UBA6: variants seen among roughly 807,000 people sequenced by gnomAD.
UBA6 encodes ubiquitin-like modifier-activating enzyme 6.
Under a neutral mutation model 148.3 loss-of-function variants are expected in UBA6, and 87 were observed. That is an observed-to-expected ratio of 0.59 (90% CI 0.49 to 0.70). The LOEUF is 0.70. Among genes scored for constraint, UBA6 ranks in the 30% least tolerant of loss-of-function variants. The pLI is 0.00. For synonymous variants in UBA6, 376 were observed against 401.0 expected (o/e 0.94, Z 0.75); for missense variants, 1,186 against 1,241.2 (o/e 0.96, Z 0.67).
At position 67,682,212 on chromosome 4, in the gene UBA6, G is replaced by A. The variant is rs1730460049; in HGVS notation, c.136C>T (p.Arg46Ter). Reference protein sequence around the residue: ...SVEIDDALYSRQRYVLGDTAM... With the variant: ...SVEIDDALYS ...GTGTCTCCAAGAACGTACCTCTGTC[G>A]ACTACACGGAAAACACAATAAAAAA... The change falls in exon 3 of 33, where the codon CGA (arginine) becomes TGA (stop). Residue 46 changes from arginine (R) to a stop codon, truncating the protein, a stop_gained and splice_region_variant. Coordinates refer to ENST00000322244, the MANE Select transcript of UBA6 (RefSeq NM_018227.6). LOFTEE classifies it high-confidence loss of function. 1.9e-6 allele frequency: 3 copies of A among 1,611,276 alleles called. No homozygotes were observed. Among genetic ancestry groups the A allele is most frequent in the Non-Finnish European group, 2.5e-6 (3 of 1,178,354 alleles).
intron 17 of UBA6, 130 bp downstream of exon 17, chr4:67,644,568 A>C: frequency 1.7e-6 from 1 of 596,524 alleles, no homozygotes; most frequent in South Asian, 2.3e-5. Context: ...AGGGCATGAC[A>C]ATCTTCCAAT....
chr4:67,653,734 T>A (rs1248326208), intron 13 of UBA6, among the ~76,000 whole-genome samples: 3 of 151,994 alleles, frequency 2.0e-5, no homozygotes, highest in Admixed American at 2.0e-4. Context: ...ATAACAAACT[T>A]CTCCGAGCTA....
chr4:67,670,523 A>C lies in UBA6; in HGVS notation c.616T>G (p.Leu206Val), dbSNP rs144389295. 2.8e-5 allele frequency: 45 copies of C among 1,603,722 alleles called. No homozygotes were observed. In the African/African-American group the frequency reaches 5.3e-4, roughly 19 times the overall value. The change falls in exon 8 of 33, where the codon TTA becomes GTA. Residue 206 changes from leucine (L) to valine (V), a missense_variant. Physicochemically the swap from Leu to Val is conservative, Grantham distance 32. Coordinates refer to ENST00000322244, the MANE Select transcript of UBA6 (RefSeq NM_018227.6). ...TTTGGTTCTTCTCCTGTTGTATCTA[A>C]AACTTCAAATTCATCACCGAAATCA... ...FCDFGDEFEV[L>V]DTTGEEPKEI...
chr4:67,649,959 G>A (rs559498189), intron 13 of UBA6, among the ~76,000 whole-genome samples: 1 of 152,208 alleles, frequency 6.6e-6, no homozygotes, highest in East Asian at 1.9e-4. Flanking sequence ...CTTGTACACA[G>A]AGGAGAGGAC....
At chr4:67,667,867 C>A (rs555692842) in intron 9 of UBA6, among the ~76,000 whole-genome samples, 1 of 152,314 alleles carries the variant, frequency 6.6e-6, no homozygotes, top group East Asian at 1.9e-4. Context: ...CAGACCCCTT[C>A]AACTTCTTGC....
At chr4:67,650,752 A>G (rs1577809444) in intron 13 of UBA6, among the ~76,000 whole-genome samples, 1 of 152,162 alleles carries the variant, frequency 6.6e-6, no homozygotes, top group African/African-American at 2.4e-5. Context: ...CAGTCCTAAG[A>G]AAAAGAAAGA....
intron 2 of UBA6, among the ~76,000 whole-genome samples, chr4:67,685,996 GC>G (rs372868140): frequency 8.3e-4 from 126 of 152,258 alleles, no homozygotes; most frequent in African/African-American, 2.8e-3. Context: ...ACACTTAAAT[GC>G]TGTGAAGTTC....
At chr4:67,643,332 TTTTTTAA>T (rs1277027575) in intron 17 of UBA6, among the ~76,000 whole-genome samples, 1 of 152,056 alleles carries the variant, frequency 6.6e-6, no homozygotes, top group South Asian at 2.1e-4. Flanking sequence ...TGAATAGTCA[TTTTTTAA>T]TCTGAATTGT....
At chr4:67,664,585 G>C (rs1305005080) in intron 10 of UBA6, among the ~76,000 whole-genome samples, 1 of 152,086 alleles carries the variant, frequency 6.6e-6, no homozygotes, top group Non-Finnish European at 1.5e-5. Flanking sequence ...CTGAGAAGGA[G>C]CCCAAGGATT....
intron 9 of UBA6, 88 bp from the exon 10 acceptor site, chr4:67,665,380 C>A: frequency 1.3e-6 from 1 of 757,796 alleles, no homozygotes; most frequent in South Asian, 2.0e-5. Context: ...TTAATTATCC[C>A]TAATTTACAA....
At chr4:67,669,518 T>G (rs1730089364) in intron 8 of UBA6, among the ~76,000 whole-genome samples, 1 of 152,158 alleles carries the variant, frequency 6.6e-6, no homozygotes. Context: ...TCTTTTGGAC[T>G]TCAATGTAAG....
chr4:67,651,048 AC>A (rs1729543198), intron 13 of UBA6, among the ~76,000 whole-genome samples: 1 of 152,150 alleles, frequency 6.6e-6, no homozygotes, highest in African/African-American at 2.4e-5. Context: ...AGCACCTAAA[AC>A]CCTTATCCTG....
At chr4:67,679,900 CAA>C (rs1344697856) in intron 4 of UBA6, among the ~76,000 whole-genome samples, 1 of 151,936 alleles carries the variant, frequency 6.6e-6, no homozygotes, top group East Asian at 1.9e-4. Context: ...CTCAAAGCCT[CAA>C]AAAACAGGAA....
intron 16 of UBA6, among the ~76,000 whole-genome samples, chr4:67,645,675 T>G (rs987584388): frequency 7.2e-5 from 11 of 152,168 alleles, no homozygotes; most frequent in African/African-American, 2.4e-4. Context: ...CCCACCAATT[T>G]TCAAACATAT....
chr4:67,649,418 G>A (rs924539791), intron 13 of UBA6, among the ~76,000 whole-genome samples: 2 of 152,080 alleles, frequency 1.3e-5, no homozygotes, highest in Admixed American at 6.6e-5. Flanking sequence ...ACTAGTATCT[G>A]CCCATTTTTG....
At chr4:67,680,466 A>C (rs978778007) in intron 4 of UBA6, among the ~76,000 whole-genome samples, 3 of 152,200 alleles carry the variant, frequency 2.0e-5, no homozygotes, top group Admixed American at 1.3e-4. Context: ...TCAACAAATA[A>C]ATTGCAAGAA....
chr4:67,665,421 TTG>T (rs1491179765), intron 9 of UBA6, 129 bp from the exon 10 acceptor site: 7,731 of 514,848 alleles, frequency 0.015, 79 homozygotes, highest in East Asian at 0.064. Context: ...GTGTTTTTTT[TTG>T]TTTGTTTGTT....
chr4:67,665,118 T>C, intron 10 of UBA6, 71 bp downstream of exon 10: 2 of 814,266 alleles, frequency 2.5e-6, no homozygotes, highest in Non-Finnish European at 3.9e-6. Flanking sequence ...GTTAACTGAG[T>C]AGTTATTTGT....
intron 2 of UBA6, among the ~76,000 whole-genome samples, chr4:67,694,215 C>CAAAAAAAAAAAAAA (rs769649769): frequency 1.2e-4 from 5 of 41,870 alleles, no homozygotes; most frequent in Non-Finnish European, 1.6e-4. Context: ...GACTCCATCT[C>CAAAAAAAAAAAAAA]AAAAAAAAAA....
Sources: gnomAD v4.1 joint callset for allele counts (sites outside exome capture counted in the v4.1 genomes callset) on GRCh38, gnomAD v4.1.1 for gene constraint, MANE v1.5 for transcripts, NCBI Gene and HGNC (gene_info 2026-07-23, HGNC 2026-07-21) for gene names.